GRID1: variants seen among roughly 807,000 people sequenced by gnomAD.
The protein encoded by GRID1 is glutamate receptor ionotropic, delta-1.
Under a neutral mutation model 98.0 loss-of-function variants are expected in GRID1, and 28 were observed. The ratio of observed to expected loss-of-function variants is 0.29; its 90% CI spans 0.21 to 0.39. The LOEUF is 0.39. Among genes scored for constraint, GRID1 ranks in the 10% least tolerant of loss-of-function variants. The pLI is 1.00. For missense variants in GRID1, 1,111 were observed against 1,340.5 expected (o/e 0.83, Z 2.67); for synonymous variants, 553 against 538.5 (o/e 1.03, Z -0.37).
intron 4 of GRID1, among the ~76,000 whole-genome samples, chr10:85,973,260 A>G (rs1380156764): frequency 1.3e-5 from 2 of 152,064 alleles, no homozygotes; most frequent in East Asian, 1.9e-4. Flanking sequence ...CTTTATAAAG[A>G]AGTTTTTACT....
At chr10:85,957,093 T>C (rs7075209) in intron 4 of GRID1, among the ~76,000 whole-genome samples, 45,161 of 151,898 alleles carry the variant, frequency 0.3, 7,643 homozygotes, top group African/African-American at 0.44. Flanking sequence ...AACTCACTCA[T>C]TATCACGAGA....
intron 12 of GRID1, among the ~76,000 whole-genome samples, chr10:85,704,704 A>G (rs1358809573): frequency 6.6e-6 from 1 of 152,220 alleles, no homozygotes; most frequent in East Asian, 1.9e-4. Flanking sequence ...TCAAAAATTG[A>G]CCACATAGTT....
In GRID1 at chr10:86,144,625, T is replaced by C. The variant is rs568454277; in HGVS notation, c.521-5601A>G. On this transcript the variant is annotated intron_variant, in intron 3 of 15. Coordinates refer to ENST00000327946, the MANE Select transcript of GRID1 (RefSeq NM_017551.3). ...AAACAAGGGCCCTCCTCGGTCTTTGTCTTCCACGGTTCTCCAGCATCCAGC... is the reference window on the plus strand; with the variant it reads ...AAACAAGGGCCCTCCTCGGTCTTTGCCTTCCACGGTTCTCCAGCATCCAGC... Among the ~76,000 whole-genome samples the C allele has an allele frequency of 3.3e-5, 5 of 152,218 alleles. No individual in the cohort carries two copies. The East Asian group carries it at 9.7e-4, about 29-fold the overall frequency.
At chr10:86,131,031 C>T (rs557512711) in intron 4 of GRID1, among the ~76,000 whole-genome samples, 104 of 152,266 alleles carry the variant, frequency 6.8e-4, no homozygotes, top group African/African-American at 2.3e-3. Flanking sequence ...CTTATCTCAC[C>T]GGCACCAGGA....
intron 4 of GRID1, among the ~76,000 whole-genome samples, chr10:86,092,626 A>G (rs924271927): frequency 3.9e-5 from 6 of 152,226 alleles, no homozygotes; most frequent in Non-Finnish European, 7.3e-5. Context: ...AACAGCAACT[A>G]AAAGAGACAA....
intron 8 of GRID1, among the ~76,000 whole-genome samples, chr10:85,737,637 T>A (rs1255735510): frequency 2.0e-5 from 2 of 99,154 alleles, no homozygotes; most frequent in African/African-American, 8.4e-5. Flanking sequence ...ACAACAACAG[T>A]AAAGCCAGAT....
At chr10:85,966,157 C>T (rs1036295426) in intron 4 of GRID1, among the ~76,000 whole-genome samples, 3 of 152,186 alleles carry the variant, frequency 2.0e-5, no homozygotes, top group Non-Finnish European at 2.9e-5. Flanking sequence ...GTAGGAAAAG[C>T]CCTGTCCTTA....
intron 2 of GRID1, among the ~76,000 whole-genome samples, chr10:86,207,790 C>T (rs1216061507): frequency 2.0e-5 from 3 of 152,006 alleles, no homozygotes; most frequent in Non-Finnish European, 4.4e-5. Context: ...CGCCACCATG[C>T]CCGGCTAATT....
chr10:86,168,482 C>T (rs1845433338), intron 3 of GRID1, among the ~76,000 whole-genome samples: 1 of 152,166 alleles, frequency 6.6e-6, no homozygotes, highest in African/African-American at 2.4e-5. Context: ...CCCTTAGAAA[C>T]CGGGATCCCA....
chr10:85,625,841 T>C (rs1264427737), intron 13 of GRID1, among the ~76,000 whole-genome samples: 2 of 152,232 alleles, frequency 1.3e-5, no homozygotes, highest in African/African-American at 4.8e-5. Flanking sequence ...GTTCCATGAC[T>C]TCACACTGGC....
At chr10:86,117,088 C>T (rs530677672) in intron 4 of GRID1, among the ~76,000 whole-genome samples, 3 of 140,472 alleles carry the variant, frequency 2.1e-5, no homozygotes, top group Admixed American at 7.0e-5. Flanking sequence ...AACACCTTTA[C>T]CACCACCACC....
chr10:85,882,055 A>G (rs1453260433), intron 5 of GRID1, among the ~76,000 whole-genome samples: 1 of 152,232 alleles, frequency 6.6e-6, no homozygotes, highest in African/African-American at 2.4e-5. Flanking sequence ...GAGAAATGCA[A>G]ATCAAAACCA....
chr10:85,825,715 G>C (rs59224293), intron 8 of GRID1, among the ~76,000 whole-genome samples: 1 of 151,850 alleles, frequency 6.6e-6, no homozygotes, highest in African/African-American at 2.4e-5. Context: ...TTTTTAAATG[G>C]TCAATCAAAA....
intron 4 of GRID1, among the ~76,000 whole-genome samples, chr10:86,136,735 T>A (rs527707838): frequency 1.3e-5 from 2 of 152,298 alleles, no homozygotes; most frequent in African/African-American, 4.8e-5. Flanking sequence ...AAAGTCCAAA[T>A]GCCATCGTTC....
Position 85,729,586 on chromosome 10 carries a change from A to G in GRID1, c.1262T>C (p.Leu421Ser), listed in dbSNP as rs1291855173. ...GGGCCTCTCTTGCAAGCTGCCATTC[A>G]AGCCCTTCTCTGAGTCCCATGTCGC... Reference protein sequence around the residue: ...KLATWDSEKGLNGSLQERPMG... With the variant: ...KLATWDSEKGSNGSLQERPMG... Residue 421 changes from leucine to serine, a missense_variant, in exon 9 of 16, where the codon TTG becomes TCG. Physicochemically the swap from Leu to Ser is moderately radical, Grantham distance 145 (BLOSUM62 -2). Coordinates refer to ENST00000327946, the MANE Select transcript of GRID1 (RefSeq NM_017551.3). The G allele has an allele frequency of 1.2e-6, 2 of 1,612,832 alleles. No individual in the cohort carries two copies. Among genetic ancestry groups the G allele is most frequent in the Non-Finnish European group, 1.7e-6 (2 of 1,179,114 alleles).
intron 4 of GRID1, among the ~76,000 whole-genome samples, chr10:85,961,149 C>A (rs546392029): frequency 6.0e-4 from 92 of 152,280 alleles, no homozygotes; most frequent in Middle Eastern, 3.4e-3. Context: ...ATAACACATT[C>A]ACAGTATCGC....
At chr10:85,857,438 C>A (rs1468980368) in intron 6 of GRID1, among the ~76,000 whole-genome samples, 2 of 152,104 alleles carry the variant, frequency 1.3e-5, no homozygotes, top group Non-Finnish European at 2.9e-5. Context: ...CACCCACCCT[C>A]CCAGGGGCCC....
intron 2 of GRID1, among the ~76,000 whole-genome samples, chr10:86,271,126 G>T (rs1202042657): frequency 1.3e-5 from 2 of 152,202 alleles, no homozygotes; most frequent in Non-Finnish European, 2.9e-5. Context: ...CCAAAGCCAG[G>T]AGAAGAATCA....
chr10:85,746,532 A>G (rs898506535), intron 8 of GRID1, among the ~76,000 whole-genome samples: 5 of 152,284 alleles, frequency 3.3e-5, no homozygotes, highest in African/African-American at 4.8e-5. Context: ...CTGAGTCTAC[A>G]TTCTAAATGG....
Sources: allele counts gnomAD v4.1 joint callset (sites outside exome capture counted in the v4.1 genomes callset), GRCh38; gene constraint gnomAD v4.1.1; transcripts MANE v1.5; gene names NCBI Gene and HGNC (gene_info 2026-07-23, HGNC 2026-07-21).